Variants in CADM2 observed in about 807,000 individuals in gnomAD.
CADM2 encodes the protein immunoglobulin superfamily member 4D.
CADM2 carries 12 observed loss-of-function variants against 49.8 expected under a neutral mutation model. The observed-to-expected ratio is 0.24, with a 90% CI of 0.15 to 0.39. CADM2 has a LOEUF of 0.39. Among genes scored for constraint, CADM2 ranks in the 10% least tolerant of loss-of-function variants. The pLI is 1.00. For synonymous variants in CADM2, 214 were observed against 175.4 expected, an observed-to-expected ratio of 1.22 and a Z score of -1.74; for missense variants, 378 against 492.3, an observed-to-expected ratio of 0.77 and a Z score of 2.20.
chr3:85,187,408 A>G (rs2041090276), intron 1 of CADM2, among the ~76,000 whole-genome samples: 1 of 152,136 alleles, frequency 6.6e-6, no homozygotes. Flanking sequence ...CCTCTGAATA[A>G]TATCAACTCA....
intron 3 of CADM2, among the ~76,000 whole-genome samples, chr3:85,867,777 T>G (rs779683224): frequency 1.3e-5 from 2 of 152,082 alleles, no homozygotes; most frequent in Non-Finnish European, 2.9e-5. Context: ...TATCTGATCT[T>G]GAATAGTGAT....
intron 8 of CADM2, among the ~76,000 whole-genome samples, chr3:86,058,681 T>A (rs1578085752): frequency 6.6e-6 from 1 of 152,154 alleles, no homozygotes; most frequent in Middle Eastern, 3.4e-3. Context: ...TATAAAAATG[T>A]CCTTGGAACT....
chr3:85,668,686 G>A (rs1346912750), intron 1 of CADM2, among the ~76,000 whole-genome samples: 2 of 152,124 alleles, frequency 1.3e-5, no homozygotes, highest in African/African-American at 4.8e-5. Context: ...TGCCATGATT[G>A]TGAGGCTTCT....
chr3:85,806,469 G>A (rs962246056), intron 3 of CADM2, among the ~76,000 whole-genome samples: 3 of 152,152 alleles, frequency 2.0e-5, no homozygotes, highest in African/African-American at 7.2e-5. Flanking sequence ...TGTCATGTTA[G>A]AGTTGGAAAA....
At chr3:85,925,156 C>CCTT (rs10630010) in intron 6 of CADM2, among the ~76,000 whole-genome samples, 106,341 of 151,732 alleles carry the variant, frequency 0.7, 38,831 homozygotes, top group African/African-American at 0.92. Flanking sequence ...TATAATCTAT[C>CCTT]CTGGCAACTC....
At chr3:85,177,894 C>A (rs183057686) in intron 1 of CADM2, among the ~76,000 whole-genome samples, 1 of 151,968 alleles carries the variant, frequency 6.6e-6, no homozygotes, top group African/African-American at 2.4e-5. Context: ...TACAAGAACA[C>A]TGTGTGGGGG....
At chr3:85,910,202 C>G (rs1367050666) in intron 5 of CADM2, among the ~76,000 whole-genome samples, 1 of 152,032 alleles carries the variant, frequency 6.6e-6, no homozygotes, top group Non-Finnish European at 1.5e-5. Context: ...AAACAACCAG[C>G]AGTAATACTT....
chr3:85,293,058 A>G (rs1429052438), intron 1 of CADM2, among the ~76,000 whole-genome samples: 1 of 152,198 alleles, frequency 6.6e-6, no homozygotes, highest in African/African-American at 2.4e-5. Context: ...CTAAGAGAAA[A>G]AAAGAGAGAA....
chr3:85,541,042 A>G (rs568455087), intron 1 of CADM2, among the ~76,000 whole-genome samples: 1 of 152,034 alleles, frequency 6.6e-6, no homozygotes, highest in South Asian at 2.1e-4. Context: ...TGGCTTCAAT[A>G]TGTAAATTTG....
At chr3:86,030,639 A>G (rs2107145755) in intron 8 of CADM2, among the ~76,000 whole-genome samples, 1 of 152,036 alleles carries the variant, frequency 6.6e-6, no homozygotes, top group East Asian at 1.9e-4. Flanking sequence ...TAAGCTCAGA[A>G]ACTCAATTTT....
At chr3:85,497,074 C>T (rs1408575272) in intron 1 of CADM2, among the ~76,000 whole-genome samples, 1 of 152,136 alleles carries the variant, frequency 6.6e-6, no homozygotes, top group African/African-American at 2.4e-5. Flanking sequence ...GTCTCGATCT[C>T]CTGACTTCGA....
rs1325556823 is a variant in CADM2, at chr3:85,630,033, C to T, written c.62-96489C>T. Among the ~76,000 whole-genome samples the T allele has an allele frequency of 2.6e-5, 4 of 152,010 alleles. No homozygotes were observed. The East Asian group carries it at 5.8e-4, about 22-fold the overall frequency. On this transcript the variant is annotated intron_variant, in intron 1 of 9. Transcript: ENST00000383699. ...GAGTTGACTTCATTATCTGTGATGT[C>T]AATATTGAATGGTAGTAAAACAGGT...
At chr3:86,020,306 A>G (rs1265336433) in intron 8 of CADM2, among the ~76,000 whole-genome samples, 1 of 151,768 alleles carries the variant, frequency 6.6e-6, no homozygotes, top group Admixed American at 6.6e-5. Context: ...GAATCTCTGA[A>G]TAGACCAATA....
chr3:85,862,843 T>C (rs1390258684), intron 3 of CADM2, among the ~76,000 whole-genome samples: 1 of 152,166 alleles, frequency 6.6e-6, no homozygotes, highest in Non-Finnish European at 1.5e-5. Flanking sequence ...TTGCTAGTAT[T>C]GGATGATGTC....
chr3:85,861,087 AG>A (rs1320634570), intron 3 of CADM2, among the ~76,000 whole-genome samples: 1 of 152,128 alleles, frequency 6.6e-6, no homozygotes, highest in Non-Finnish European at 1.5e-5. Context: ...GCAGGACAGG[AG>A]GTCATTGAAA....
At chr3:84,995,585 G>C (rs6549007) in intron 1 of CADM2, among the ~76,000 whole-genome samples, 2 of 152,050 alleles carry the variant, frequency 1.3e-5, no homozygotes, top group African/African-American at 4.8e-5. Flanking sequence ...TCATCTAAAA[G>C]AGGAGAGAAT....
chr3:85,218,218 A>G (rs934865280), intron 1 of CADM2, among the ~76,000 whole-genome samples: 3 of 152,128 alleles, frequency 2.0e-5, no homozygotes, highest in Admixed American at 6.6e-5. Context: ...GGTCACCTGG[A>G]AGTGAGTTAT....
chr3:84,959,464 C>T lies in CADM2; in HGVS notation c.-144C>T. 1 of 704,916 alleles carries T rather than the reference C, an allele frequency of 1.4e-6. No homozygotes were observed. Among genetic ancestry groups the T allele is most frequent in the Non-Finnish European group, 2.3e-6 (1 of 431,730 alleles). 43.7% of individuals were successfully genotyped at this position (704,916 alleles called of 1,614,324 possible). On this transcript the variant is annotated 5_prime_UTR_variant, in exon 1 of 10. Transcript: ENST00000383699. ...TTCTGCTGCCGCCGATCCGAGTCCG[C>T]GGGTTCGAACACCGCAGCGGTGGGG...
intron 6 of CADM2, among the ~76,000 whole-genome samples, chr3:85,913,864 G>T (rs549159035): frequency 4.6e-5 from 7 of 152,148 alleles, no homozygotes; most frequent in Non-Finnish European, 1.0e-4. Flanking sequence ...ATGTGTGTTG[G>T]TGTAATGCAG....
Sources: gnomAD v4.1 joint callset for allele counts (sites outside exome capture counted in the v4.1 genomes callset) on GRCh38, gnomAD v4.1.1 for gene constraint, MANE v1.5 for transcripts, NCBI Gene and HGNC (gene_info 2026-07-23, HGNC 2026-07-21) for gene names.